Variants in PDZD8 observed in about 807,000 individuals in gnomAD.
PDZD8 encodes PDZ domain containing 8.
Under a neutral mutation model 85.8 loss-of-function variants are expected in PDZD8, and 14 were observed. The observed-to-expected ratio is 0.16, with a 90% CI of 0.11 to 0.26. The LOEUF (loss-of-function observed/expected upper bound fraction) is 0.26, where lower values mean the gene tolerates loss of function less well. Among genes scored for constraint, PDZD8 ranks in the 10% least tolerant of loss-of-function variants. PDZD8 has a pLI of 1.00. For missense variants in PDZD8, 1,197 were observed against 1,424.3 expected, an observed-to-expected ratio of 0.84 and a Z score of 2.57; for synonymous variants, 592 against 568.6, an observed-to-expected ratio of 1.04 and a Z score of -0.59.
rs201808439 is a variant in PDZD8, at chr10:117,374,346, T to C, written c.872+10A>G. The C allele has an allele frequency of 3.7e-6, 6 of 1,609,758 alleles. No homozygotes were observed. The Admixed American group carries it at 5.0e-5, about 13-fold the overall frequency. Reference sequence around the variant, plus strand: ...CGGCAGCCAGGCCCCCTCCCCGACCTCCAGCTCACCTGATCTTGTAATTCG... The same window carrying C: ...CGGCAGCCAGGCCCCCTCCCCGACCCCCAGCTCACCTGATCTTGTAATTCG... On this transcript the variant is annotated intron_variant, in intron 1 of 4. Coordinates refer to ENST00000334464, the MANE Select transcript of PDZD8 (RefSeq NM_173791.5). This position sits in a 1 kb window ranked among gnomAD's most constrained non-coding sequence, Gnocchi z 7.8.
intron 1 of PDZD8, among the ~76,000 whole-genome samples, chr10:117,350,631 C>T (rs945991674): frequency 1.3e-5 from 2 of 150,424 alleles, no homozygotes; most frequent in Non-Finnish European, 3.0e-5. Context: ...AGGCCGGGCG[C>T]GGTGGCTCAC....
Position 117,350,258 on chromosome 10 carries a change from TTG to T in PDZD8, c.873-9158_873-9157del, listed in dbSNP as rs201248047. On this transcript the variant is annotated intron_variant, in intron 1 of 4. Transcript: ENST00000334464. ...TAGCTCCAGAATCTGTTTTTTTTGT[TTG>T]TTTGTTTCTTTTTTTTTTTTTTTTG... Among the ~76,000 whole-genome samples the T allele has an allele frequency of 1.3e-4, 17 of 135,426 alleles. 1 individual carries two copies. Among genetic ancestry groups the T allele is most frequent in the South Asian group, 2.3e-4 (1 of 4,332 alleles). 88.8% of individuals were successfully genotyped at this position (135,426 alleles called of 152,430 possible).
intron 3 of PDZD8, among the ~76,000 whole-genome samples, chr10:117,315,336 C>A (rs1649134673): frequency 6.6e-6 from 1 of 151,946 alleles, no homozygotes; most frequent in Non-Finnish European, 1.5e-5. Flanking sequence ...GGCTCATGCC[C>A]ACAATTCAAG....
intron 2 of PDZD8, among the ~76,000 whole-genome samples, chr10:117,337,646 C>T (rs927942890): frequency 5.3e-5 from 8 of 151,932 alleles, no homozygotes; most frequent in African/African-American, 1.9e-4. Flanking sequence ...AAAAACATGC[C>T]GTTTTTTCTT....
chr10:117,351,393 C>T (rs919032557), intron 1 of PDZD8, among the ~76,000 whole-genome samples: 8 of 152,102 alleles, frequency 5.3e-5, no homozygotes, highest in African/African-American at 1.9e-4. Flanking sequence ...AAAATGAGTA[C>T]ATACAGTATG....
chr10:117,339,754 G>GTAC (rs1210563837), intron 2 of PDZD8, among the ~76,000 whole-genome samples: 1 of 152,188 alleles, frequency 6.6e-6, no homozygotes, highest in African/African-American at 2.4e-5. Flanking sequence ...AGCCTAAAAT[G>GTAC]TACTATCTGG....
chr10:117,367,777 T>TA (rs1589597772), intron 1 of PDZD8, among the ~76,000 whole-genome samples: 1 of 151,224 alleles, frequency 6.6e-6, no homozygotes, highest in Non-Finnish European at 1.5e-5. Flanking sequence ...CTACTAAAAA[T>TA]AAAAAAATTA....
chr10:117,365,675 G>T (rs1845075667), intron 1 of PDZD8, among the ~76,000 whole-genome samples: 1 of 152,150 alleles, frequency 6.6e-6, no homozygotes. Context: ...TACAGGAAGT[G>T]TACAGTTTTA....
At position 117,284,754 on chromosome 10, in the gene PDZD8, T is replaced by C; in HGVS notation, c.1979A>G (p.Asp660Gly). 1.2e-6 allele frequency: 2 copies of C among 1,614,228 alleles called. No individual in the cohort carries two copies. Among genetic ancestry groups the C allele is most frequent in the African/African-American group, 1.3e-5 (1 of 75,056 alleles). The change falls in exon 5 of 5, where the codon GAT becomes GGT. Residue 660 changes from aspartate (D) to glycine (G), a missense_variant. Physicochemically the swap from Asp to Gly is moderately conservative, Grantham distance 94. This residue lies in a region of PDZD8 where 263 missense variants were observed against 261.9 expected (regional missense o/e 1.00). Coordinates refer to ENST00000334464, the MANE Select transcript of PDZD8 (RefSeq NM_173791.5). ...QFLAKQEVAKDVTSETSCPTK... is the reference protein window; with the variant it reads ...QFLAKQEVAKGVTSETSCPTK... The stretch of plus-strand genomic sequence containing the variant: ...AGGGCAGGAAGTTTCTGAAGTGACA[T>C]CTTTGGCCACTTCTTGCTTTGCTAA...
At chr10:117,345,850 C>T (rs142798330) in intron 1 of PDZD8, among the ~76,000 whole-genome samples, 2 of 152,138 alleles carry the variant, frequency 1.3e-5, no homozygotes, top group African/African-American at 2.4e-5. Context: ...GGCTGTAAAA[C>T]GTTTCTTATC....
In PDZD8 at chr10:117,319,076, C is replaced by T. The variant is rs1234637121; in HGVS notation, c.996-102G>A. The T allele has an allele frequency of 5.1e-5, 38 of 744,586 alleles. No homozygotes were observed. In the East Asian group the frequency reaches 1.0e-3, roughly 20 times the overall value. 46.1% of individuals were successfully genotyped at this position (744,586 alleles called of 1,614,324 possible). On this transcript the variant is annotated intron_variant, in intron 2 of 4. Transcript: ENST00000334464. ...CAAGAAACAACACATTACTCCATTA[C>T]TATTATAGCTTTAGTAACAGAAAAA...
At chr10:117,339,695 G>A (rs949369320) in intron 2 of PDZD8, among the ~76,000 whole-genome samples, 3 of 152,220 alleles carry the variant, frequency 2.0e-5, no homozygotes, top group African/African-American at 7.2e-5. Flanking sequence ...GACTGCTTCT[G>A]TACTGCAAGG....
chr10:117,369,344 A>G (rs1845149914), intron 1 of PDZD8, among the ~76,000 whole-genome samples: 1 of 151,254 alleles, frequency 6.6e-6, no homozygotes, highest in Non-Finnish European at 1.5e-5. Flanking sequence ...TTTTTAGTAA[A>G]GATGGGGTTT....
intron 3 of PDZD8, among the ~76,000 whole-genome samples, chr10:117,306,320 G>A (rs559264174): frequency 1.3e-5 from 2 of 152,282 alleles, no homozygotes; most frequent in South Asian, 2.1e-4. Context: ...TCAAAAGGCT[G>A]TTAGGAAAAT....
At chr10:117,334,677 T>C (rs1205109561) in intron 2 of PDZD8, among the ~76,000 whole-genome samples, 7 of 151,734 alleles carry the variant, frequency 4.6e-5, no homozygotes, top group African/African-American at 1.7e-4. Flanking sequence ...AATATCAACA[T>C]AGAAATGAGA....
chr10:117,317,044 G>A (rs1359775792), intron 3 of PDZD8, among the ~76,000 whole-genome samples: 2 of 152,114 alleles, frequency 1.3e-5, no homozygotes, highest in African/African-American at 4.8e-5. Flanking sequence ...CCATGCTAAC[G>A]AAGATGAAGG....
At chr10:117,315,600 A>C (rs865976249) in intron 3 of PDZD8, among the ~76,000 whole-genome samples, 18 of 145,352 alleles carry the variant, frequency 1.2e-4, no homozygotes, top group Non-Finnish European at 2.0e-4. Context: ...AAAAAAAAAA[A>C]AAAAAAAAAA....
At chr10:117,357,938 C>A (rs1040631431) in intron 1 of PDZD8, among the ~76,000 whole-genome samples, 1 of 151,022 alleles carries the variant, frequency 6.6e-6, no homozygotes, top group African/African-American at 2.4e-5. Context: ...TTAGTATTTA[C>A]GGATAAAATA....
At chr10:117,316,556 AC>A (rs1844132271) in intron 3 of PDZD8, among the ~76,000 whole-genome samples, 1 of 151,958 alleles carries the variant, frequency 6.6e-6, no homozygotes, top group Admixed American at 6.6e-5. Flanking sequence ...AGTGGTGCAC[AC>A]CTGTAGTCCC....
Sources: allele counts gnomAD v4.1 joint callset (sites outside exome capture counted in the v4.1 genomes callset), GRCh38; gene constraint gnomAD v4.1.1; regional missense constraint gnomAD v4.1.1; non-coding constraint Gnocchi (gnomAD v3.1); transcripts MANE v1.5; gene names NCBI Gene and HGNC (gene_info 2026-07-23, HGNC 2026-07-21).